RFX2: variants seen among roughly 807,000 people sequenced by gnomAD.
RFX2 encodes the protein regulatory factor X2.
Under a neutral mutation model 87.8 loss-of-function variants are expected in RFX2, and 20 were observed. The observed-to-expected ratio is 0.23, with a 90% CI of 0.16 to 0.33. The LOEUF is 0.33. RFX2 is among the 10% of genes least tolerant of loss of function. RFX2 has a pLI of 1.00. For missense variants in RFX2, 767 were observed against 1,012.3 expected (o/e 0.76, Z 3.29); for synonymous variants, 397 against 431.3 (o/e 0.92, Z 0.98).
rs958301066 is a variant in RFX2 at position 5,999,032 on chromosome 19, G to A, written c.1860-1819C>T. 1.3e-5 allele frequency among the ~76,000 whole-genome samples: 2 copies of A among 152,206 alleles called. No homozygotes were observed. The highest frequency in any genetic ancestry group is 4.8e-5 in the African/African-American group (2 of 41,454). ...GCACTTTGGGAGGCTGAGGCAGGTG[G>A]ATCACCTGAGGTCAGGAGTTTGAGA... On this transcript the variant is annotated intron_variant, in intron 15 of 17. Coordinates refer to ENST00000303657, the MANE Select transcript of RFX2 (RefSeq NM_000635.4). This position sits in a 1 kb window ranked among gnomAD's most constrained non-coding sequence, Gnocchi z 4.1.
chr19:6,070,594 A>T (rs537439637), intron 1 of RFX2, among the ~76,000 whole-genome samples: 2 of 152,208 alleles, frequency 1.3e-5, no homozygotes, highest in African/African-American at 4.8e-5. Context: ...TCATAGTCAC[A>T]TATGGGCTCC....
chr19:6,089,046 A>G (rs899884388), intron 1 of RFX2, among the ~76,000 whole-genome samples: 1 of 152,224 alleles, frequency 6.6e-6, no homozygotes, highest in Non-Finnish European at 1.5e-5. Flanking sequence ...CTACTTAAAA[A>G]TGTAGGAAAA....
Position 6,044,160 on chromosome 19 carries a change from C to A in RFX2, c.180+33G>T. 7.6e-7 allele frequency: 1 copy of A among 1,323,970 alleles called. No homozygotes were observed. Among genetic ancestry groups the A allele is most frequent in the African/African-American group, 1.5e-5 (1 of 65,914 alleles). The allele number at this position is 1,323,970 out of a possible 1,614,324, so 82.0% of individuals were successfully genotyped here. On this transcript the variant is annotated intron_variant, in intron 3 of 17. Transcript: ENST00000303657. This position sits in a 1 kb window ranked among gnomAD's most constrained non-coding sequence, Gnocchi z 5.3. Reference sequence around the variant, plus strand: ...GGATTGCTGAGTGCTAACTGCGCCCCGGTTTGCACGGTGCTGCGGTGCTTG... The same window carrying A: ...GGATTGCTGAGTGCTAACTGCGCCCAGGTTTGCACGGTGCTGCGGTGCTTG...
chr19:6,081,715 G>A (rs78269152), intron 1 of RFX2, among the ~76,000 whole-genome samples: 2,427 of 152,338 alleles, frequency 0.016, 30 homozygotes, highest in Middle Eastern at 0.082. Context: ...CACTTTCAGA[G>A]GTCGAGGAGG....
chr19:6,036,361 G>A (rs1317805665), intron 5 of RFX2, among the ~76,000 whole-genome samples: 2 of 152,110 alleles, frequency 1.3e-5, no homozygotes, highest in African/African-American at 4.8e-5. Context: ...AGAGAGGGAG[G>A]AGGCATGGGG....
intron 7 of RFX2, among the ~76,000 whole-genome samples, chr19:6,015,522 T>A (rs1186001143): frequency 6.7e-6 from 1 of 149,992 alleles, no homozygotes; most frequent in African/African-American, 2.5e-5. Context: ...AGGGTCTTGC[T>A]CTGTCACCCA....
In RFX2 at chr19:6,050,005, T is replaced by A. The variant is rs2087248200; in HGVS notation, c.-8-2501A>T. 6.6e-6 allele frequency among the ~76,000 whole-genome samples: 1 copy of A among 152,178 alleles called. No individual in the cohort carries two copies. Among genetic ancestry groups the A allele is most frequent in the African/African-American group, 2.4e-5 (1 of 41,438 alleles). ...AGTTCTGAATGCTGGGGTGTGGAGA[T>A]TCTGGAAGAGAGAGAGCCACAGAAG... On this transcript the variant is annotated intron_variant, in intron 1 of 17. Transcript: ENST00000303657. The surrounding 1 kb of genome is among the most constrained non-coding windows in gnomAD (Gnocchi z 4.6).
rs369945288 is a variant in RFX2, at chr19:6,098,413, C to T, written c.-9+11980G>A. ...CTGATAATAACACCTGTAAAGAGGCCGCAAGATAGAGACTTCAGTGAGATG... is the reference window on the plus strand; with the variant it reads ...CTGATAATAACACCTGTAAAGAGGCTGCAAGATAGAGACTTCAGTGAGATG... On this transcript the variant is annotated intron_variant, in intron 1 of 17. Transcript: ENST00000303657. Among the ~76,000 whole-genome samples the T allele has an allele frequency of 1.7e-4, 26 of 151,974 alleles. 1 individual carries two copies. The highest frequency in any genetic ancestry group is 9.7e-4 in the East Asian group (5 of 5,146).
rs1423273440 is a variant in RFX2 at position 5,997,690 on chromosome 19, C to T, written c.1860-477G>A. On this transcript the variant is annotated intron_variant, in intron 15 of 17. Coordinates refer to ENST00000303657, the MANE Select transcript of RFX2 (RefSeq NM_000635.4). The surrounding 1 kb of genome is among the most constrained non-coding windows in gnomAD (Gnocchi z 4.2). Reference sequence around the variant, plus strand: ...ATTCCTCAGCCTGTGGTTTCAGGCACCTAAAAACAAGACAAAAAGCCAGGG... The same window carrying T: ...ATTCCTCAGCCTGTGGTTTCAGGCATCTAAAAACAAGACAAAAAGCCAGGG... 6.6e-6 allele frequency among the ~76,000 whole-genome samples: 1 copy of T among 152,136 alleles called. No homozygotes were observed. Among genetic ancestry groups the T allele is most frequent in the Non-Finnish European group, 1.5e-5 (1 of 68,028 alleles).
Position 5,993,555 on chromosome 19 carries a change from CAATT to C in RFX2, c.*1276_*1279del, listed in dbSNP as rs1268641803. 1.3e-5 allele frequency: 2 copies of C among 152,168 alleles called. No individual in the cohort carries two copies. Among genetic ancestry groups the C allele is most frequent in the African/African-American group, 4.8e-5 (2 of 41,434 alleles). The allele number at this position is 152,168 out of a possible 1,614,324, so 9.4% of individuals were successfully genotyped here. A position where few individuals can be genotyped will look rare whatever the true frequency, so the allele number is the denominator to read the frequency against. On this transcript the variant is annotated 3_prime_UTR_variant, in exon 18 of 18. Transcript: ENST00000303657. ...ACATTCATAAGAAACGTTCTAATAA[CAATT>C]AGCGCACAAAACTATTGGTATAAAC...
At position 6,010,821 on chromosome 19, in the gene RFX2, A is replaced by G. The variant is rs2086650568; in HGVS notation, c.900-570T>C. Among the ~76,000 whole-genome samples the G allele has an allele frequency of 6.6e-6, 1 of 152,216 alleles. No individual in the cohort carries two copies. The highest frequency in any genetic ancestry group is 2.4e-5 in the African/African-American group (1 of 41,454). On this transcript the variant is annotated intron_variant, in intron 8 of 17. Coordinates refer to ENST00000303657, the MANE Select transcript of RFX2 (RefSeq NM_000635.4). This position sits in a 1 kb window ranked among gnomAD's most constrained non-coding sequence, Gnocchi z 5.0. ...CCCTAACATTTCTCTCTTAGAAAAA[A>G]AAGTGAAATTCTTGGCCGGGCGCAG...
rs145732739 is a variant in RFX2 at position 6,100,866 on chromosome 19, T to G, written c.-9+9527A>C. 7.5e-3 allele frequency among the ~76,000 whole-genome samples: 1,029 copies of G among 138,014 alleles called. 9 individuals carry two copies. The highest frequency in any genetic ancestry group is 0.033 in the African/African-American group (987 of 29,598). The allele number at this position is 138,014 out of a possible 152,430, so 90.5% of individuals were successfully genotyped here. A position where few individuals can be genotyped will look rare whatever the true frequency, so the allele number is the denominator to read the frequency against. ...ATTAATTAATTGAATTATATTGATT[T>G]AATTGAATTAATTAATTGAATTAAT... On this transcript the variant is annotated intron_variant, in intron 1 of 17. Coordinates refer to ENST00000303657, the MANE Select transcript of RFX2 (RefSeq NM_000635.4).
intron 1 of RFX2, among the ~76,000 whole-genome samples, chr19:6,059,788 T>C (rs1181435701): frequency 6.6e-6 from 1 of 151,930 alleles, no homozygotes; most frequent in East Asian, 1.9e-4. Context: ...AAAGTACACA[T>C]GCAGACACAC....
intron 1 of RFX2, among the ~76,000 whole-genome samples, chr19:6,090,734 C>T (rs1206929431): frequency 6.6e-6 from 1 of 152,068 alleles, no homozygotes. Flanking sequence ...CAGCACTATT[C>T]GTAATAGTCA....
chr19:6,082,736 T>C (rs555809989), intron 1 of RFX2, among the ~76,000 whole-genome samples: 4 of 152,216 alleles, frequency 2.6e-5, no homozygotes, highest in African/African-American at 9.6e-5. Context: ...AAACTTTCTA[T>C]AAGGGCCAGA....
At position 6,050,249 on chromosome 19, in the gene RFX2, T is replaced by C. The variant is rs2144785313; in HGVS notation, c.-8-2745A>G. Among the ~76,000 whole-genome samples the C allele has an allele frequency of 6.6e-6, 1 of 152,202 alleles. No homozygotes were observed. Among genetic ancestry groups the C allele is most frequent in the Middle Eastern group, 3.4e-3 (1 of 294 alleles). ...AGGGGAACTCAGATGAACCTACAGA[T>C]TCTACAATACATCATTAATGATGTC... On this transcript the variant is annotated intron_variant, in intron 1 of 17. Coordinates refer to ENST00000303657, the MANE Select transcript of RFX2 (RefSeq NM_000635.4). This position sits in a 1 kb window ranked among gnomAD's most constrained non-coding sequence, Gnocchi z 4.6.
At chr19:6,035,448 T>C (rs182077056) in intron 5 of RFX2, among the ~76,000 whole-genome samples, 30 of 152,308 alleles carry the variant, frequency 2.0e-4, no homozygotes, top group African/African-American at 6.3e-4. Flanking sequence ...AACTCACCAT[T>C]TGGGCAACTA....
chr19:6,080,510 G>A (rs113850068), intron 1 of RFX2, among the ~76,000 whole-genome samples: 1 of 152,156 alleles, frequency 6.6e-6, no homozygotes, highest in Non-Finnish European at 1.5e-5. Flanking sequence ...CCGGGCTGTG[G>A]TGCAAGGTGA....
rs539376503 is a variant in RFX2 at position 6,059,137 on chromosome 19, G to A, written c.-8-11633C>T. ...TGGAACTATAGGTGAGCACCAGCAC[G>A]CCCGGCTAATTTTTAATTTTTTGTA... is the stretch of plus-strand genomic sequence containing the variant. On this transcript the variant is annotated intron_variant, in intron 1 of 17. Transcript: ENST00000303657. Among the ~76,000 whole-genome samples, 4 of 152,150 alleles carry A rather than the reference G, an allele frequency of 2.6e-5. No individual in the cohort carries two copies. The South Asian group carries it at 6.2e-4, about 24-fold the overall frequency.
Sources: allele counts gnomAD v4.1 joint callset (sites outside exome capture counted in the v4.1 genomes callset), GRCh38; gene constraint gnomAD v4.1.1; non-coding constraint Gnocchi (gnomAD v3.1); transcripts MANE v1.5; gene names NCBI Gene and HGNC (gene_info 2026-07-23, HGNC 2026-07-21).